Variants in SUPT5H observed in about 807,000 individuals in gnomAD.
SUPT5H encodes transcription elongation factor SPT5.
Under a neutral mutation model 142.5 loss-of-function variants are expected in SUPT5H, and 24 were observed. The ratio of observed to expected loss-of-function variants is 0.17; its 90% CI spans 0.12 to 0.24. SUPT5H has a LOEUF of 0.24. SUPT5H is among the 10% of genes least tolerant of loss of function. The pLI, the probability that SUPT5H is intolerant of heterozygous loss-of-function variation, is 1.00. For missense variants in SUPT5H, 893 were observed against 1,471.8 expected (o/e 0.61, Z 6.43); for synonymous variants, 546 against 553.0 (o/e 0.99, Z 0.18).
At chr19:39,465,747 A>C (rs138663804) in intron 11 of SUPT5H, among the ~76,000 whole-genome samples, 1 of 152,324 alleles carries the variant, frequency 6.6e-6, no homozygotes, top group Non-Finnish European at 1.5e-5. Flanking sequence ...GGAGGGGGCC[A>C]TGGGCAAGAG....
At chr19:39,462,496 C>T (rs1267021759) in intron 10 of SUPT5H, among the ~76,000 whole-genome samples, 1 of 152,008 alleles carries the variant, frequency 6.6e-6, no homozygotes, top group African/African-American at 2.4e-5. Context: ...GTTTTCAAGA[C>T]TCATCCATAT....
At chr19:39,460,423 G>T (rs2146097934) in intron 10 of SUPT5H, among the ~76,000 whole-genome samples, 1 of 152,324 alleles carries the variant, frequency 6.6e-6, no homozygotes, top group African/African-American at 2.4e-5. Context: ...CCCCTTGGTT[G>T]CCTCTCAGCA....
chr19:39,475,393 C>CAAAAA (rs57598754), intron 28 of SUPT5H, among the ~76,000 whole-genome samples: 2 of 132,904 alleles, frequency 1.5e-5, no homozygotes, highest in African/African-American at 5.7e-5. Flanking sequence ...CAAGACTCCT[C>CAAAAA]AAAAAAAAAA....
At position 39,476,129 on chromosome 19, in the gene SUPT5H, A is replaced by G. The variant is rs1555748569; in HGVS notation, c.3073A>G (p.Ile1025Val). 3.1e-6 allele frequency: 5 copies of G among 1,614,130 alleles called. No homozygotes were observed. The highest frequency in any genetic ancestry group is 4.2e-6 in the Non-Finnish European group (5 of 1,180,008). Reference sequence around the variant, plus strand: ...GAAGGACAGTGAGAAGGTTGTCAGCATTTCCAGTGAGCACCTGGAGCCTAT... The same window carrying G: ...GAAGGACAGTGAGAAGGTTGTCAGCGTTTCCAGTGAGCACCTGGAGCCTAT... ...YLKDSEKVVSISSEHLEPITP... is the reference protein window; with the variant it reads ...YLKDSEKVVSVSSEHLEPITP... Residue 1025 changes from isoleucine (I) to valine (V), a missense_variant, in exon 29 of 30, where the codon ATT (isoleucine) becomes GTT (valine). Physicochemically the swap from Ile to Val is conservative, Grantham distance 29. Around this residue, in one of 6 missense-constraint regions of SUPT5H, gnomAD observed 336 missense variants for 546.5 expected, o/e 0.61. Coordinates refer to ENST00000432763, the MANE Select transcript of SUPT5H (RefSeq NM_001111020.3).
At chr19:39,447,826 C>A (rs1348412366) in intron 2 of SUPT5H, among the ~76,000 whole-genome samples, 1 of 152,214 alleles carries the variant, frequency 6.6e-6, no homozygotes, top group Non-Finnish European at 1.5e-5. Flanking sequence ...GGTAGGAAAT[C>A]TTTGCATTTT....
intron 10 of SUPT5H, among the ~76,000 whole-genome samples, chr19:39,462,879 G>C (rs2079182727): frequency 8.1e-6 from 1 of 122,708 alleles, no homozygotes; most frequent in African/African-American, 3.2e-5. Flanking sequence ...TCGCACCGTT[G>C]CCCAGGCTGG....
chr19:39,469,220 A>T lies in SUPT5H; in HGVS notation c.1238-42A>T, dbSNP rs755873449. 7 of 1,614,174 alleles carry T rather than the reference A, an allele frequency of 4.3e-6. No homozygotes were observed. The highest frequency in any genetic ancestry group is 3.3e-5 in the South Asian group (3 of 91,076). Reference sequence around the variant, plus strand: ...CTGGGCCAAGGAGCAGGGGCGGCCCATGGTGGCAACCCCCGAGTCAGCCCT... The same window carrying T: ...CTGGGCCAAGGAGCAGGGGCGGCCCTTGGTGGCAACCCCCGAGTCAGCCCT... On this transcript the variant is annotated intron_variant, in intron 15 of 29. Transcript: ENST00000432763. The surrounding 1 kb of genome is among the most constrained non-coding windows in gnomAD (Gnocchi z 5.1).
intron 11 of SUPT5H, 40 bp downstream of exon 11, chr19:39,465,089 A>C (rs1035860106): frequency 3.8e-6 from 6 of 1,584,090 alleles, no homozygotes; most frequent in Non-Finnish European, 4.3e-6. Flanking sequence ...GGGTCCCTCC[A>C]TTCTGTTCTC....
rs111805948 is a variant in SUPT5H, at chr19:39,465,572, GT to G, written c.876+525del. Among the ~76,000 whole-genome samples, 254 of 152,316 alleles carry G rather than the reference GT, an allele frequency of 1.7e-3. 1 individual carries two copies. The highest frequency in any genetic ancestry group is 5.7e-3 in the African/African-American group (238 of 41,552). On this transcript the variant is annotated intron_variant, in intron 11 of 29. Transcript: ENST00000432763. ...TTGGTAACGTCTGGAGACATTTTTG[GT>G]TATGTCAGCTGGGGAGGGGGTTGAC...
intron 10 of SUPT5H, among the ~76,000 whole-genome samples, chr19:39,462,099 G>C (rs746119470): frequency 5.9e-5 from 9 of 151,864 alleles, no homozygotes; most frequent in Non-Finnish European, 1.0e-4. Flanking sequence ...TAATAGAGAC[G>C]GGGTTTCACC....
At chr19:39,475,356 C>G (rs1174875396) in intron 28 of SUPT5H, 1 of 150,236 alleles carries the variant, frequency 6.7e-6, no homozygotes, top group Non-Finnish European at 1.5e-5. Context: ...GAGATCGTGC[C>G]ACTGCGCCCC....
intron 3 of SUPT5H, 35 bp downstream of exon 3, chr19:39,453,556 G>T: frequency 6.8e-7 from 1 of 1,460,390 alleles, no homozygotes; most frequent in South Asian, 1.4e-5. Flanking sequence ...CCGAGCAGAG[G>T]CTGAGCTTCT....
intron 2 of SUPT5H, among the ~76,000 whole-genome samples, chr19:39,446,850 T>C (rs985088268): frequency 6.6e-6 from 1 of 152,018 alleles, no homozygotes. Context: ...CTACTAAAAA[T>C]ACAAAAAAAT....
chr19:39,469,479 C>T lies in SUPT5H; in HGVS notation c.1374+81C>T, dbSNP rs1048732718. The T allele has an allele frequency of 6.3e-7, 1 of 1,576,448 alleles. No homozygotes were observed. The highest frequency in any genetic ancestry group is 8.7e-7 in the Non-Finnish European group (1 of 1,154,294). On this transcript the variant is annotated intron_variant, in intron 16 of 29. Coordinates refer to ENST00000432763, the MANE Select transcript of SUPT5H (RefSeq NM_001111020.3). The surrounding 1 kb of genome is among the most constrained non-coding windows in gnomAD (Gnocchi z 5.1). The stretch of plus-strand genomic sequence containing the variant: ...ATGTGGCTGTCGAGGCGGTGGTGTG[C>T]CTGGTGACACCTGGTTTCCAGGAGG...
rs1037733976 is a variant in SUPT5H, at chr19:39,471,517, C to T, written c.1824+14C>T. On this transcript the variant is annotated intron_variant, in intron 19 of 29. Transcript: ENST00000432763. ...GGCCCCCACTCAGTGAGTACAAGTTCCTGCTTTTGAGCTGCATCTGAAAGA... is the reference window on the plus strand; with the variant it reads ...GGCCCCCACTCAGTGAGTACAAGTTTCTGCTTTTGAGCTGCATCTGAAAGA... 5.0e-6 allele frequency: 8 copies of T among 1,614,104 alleles called. No homozygotes were observed. The highest frequency in any genetic ancestry group is 4.2e-6 in the Non-Finnish European group (5 of 1,179,946).
intron 2 of SUPT5H, among the ~76,000 whole-genome samples, chr19:39,451,768 G>A (rs914053681): frequency 2.0e-5 from 3 of 152,170 alleles, no homozygotes; most frequent in African/African-American, 4.8e-5. Flanking sequence ...CTGATGTCAG[G>A]TGATCCACCC....
At chr19:39,455,316 C>CT (rs2146085269) in intron 3 of SUPT5H, among the ~76,000 whole-genome samples, 1 of 152,038 alleles carries the variant, frequency 6.6e-6, no homozygotes, top group East Asian at 1.9e-4. Context: ...AATCCCAGCA[C>CT]TTTAGGAGGC....
At position 39,471,429 on chromosome 19, in the gene SUPT5H, G is replaced by T; in HGVS notation, c.1750G>T (p.Ala584Ser). The change falls in exon 19 of 30, where the codon GCT becomes TCT. Residue 584 changes from alanine (A) to serine (S), a missense_variant. Around this residue, in one of 6 missense-constraint regions of SUPT5H, gnomAD observed 428 missense variants for 763.5 expected, o/e 0.56. Coordinates refer to ENST00000432763, the MANE Select transcript of SUPT5H (RefSeq NM_001111020.3). ...AVTRKKDNRFAVALDSEQNNI... is the reference protein window; with the variant it reads ...AVTRKKDNRFSVALDSEQNNI... ...GACCCGGAAGAAGGACAACCGCTTT[G>T]CTGTGGCCTTGGACTCAGAGCAGAA... 1 of 1,614,234 alleles carries T rather than the reference G, an allele frequency of 6.2e-7. No individual in the cohort carries two copies. Among genetic ancestry groups the T allele is most frequent in the South Asian group, 1.1e-5 (1 of 91,086 alleles).
chr19:39,468,884 G>A, intron 14 of SUPT5H, 23 bp downstream of exon 14: 1 of 1,608,902 alleles, frequency 6.2e-7, no homozygotes, highest in African/African-American at 1.3e-5. Context: ...GAGGGGTGTT[G>A]GTAATGGGGG....
Sources: allele counts gnomAD v4.1 joint callset (sites outside exome capture counted in the v4.1 genomes callset), GRCh38; gene constraint gnomAD v4.1.1; regional missense constraint gnomAD v4.1.1; non-coding constraint Gnocchi (gnomAD v3.1); transcripts MANE v1.5; gene names NCBI Gene and HGNC (gene_info 2026-07-23, HGNC 2026-07-21).